SYNE2: variants seen among roughly 807,000 people sequenced by gnomAD.
SYNE2 encodes the protein spectrin repeat containing nuclear envelope protein 2.
In SYNE2, 431 loss-of-function variants were observed where a neutral mutation model predicts 856.3. That is an observed-to-expected ratio of 0.50 (90% CI 0.47 to 0.55). SYNE2 has a LOEUF of 0.55. Ranked by LOEUF, SYNE2 falls within the 20% of genes least tolerant of loss-of-function variation. The pLI is 0.00. For missense variants in SYNE2, 8,129 were observed against 8,023.2 expected, an observed-to-expected ratio of 1.01 and a Z score of -0.50; for synonymous variants, 2,923 against 2,872.3, an observed-to-expected ratio of 1.02 and a Z score of -0.56.
chr14:64,000,965 A>G (rs1054780844), intron 28 of SYNE2, among the ~76,000 whole-genome samples: 2 of 152,222 alleles, frequency 1.3e-5, no homozygotes, highest in Non-Finnish European at 2.9e-5. Flanking sequence ...AAGGTCTGCC[A>G]AAGTTCAGAG....
chr14:64,071,350 C>T (rs1480719891), intron 52 of SYNE2, among the ~76,000 whole-genome samples: 2 of 151,768 alleles, frequency 1.3e-5, no homozygotes, highest in African/African-American at 4.8e-5. Context: ...AAAAATCAGC[C>T]GGGTGTGGTG....
intron 1 of SYNE2, among the ~76,000 whole-genome samples, chr14:63,827,731 T>G (rs1319664422): frequency 6.6e-6 from 1 of 150,436 alleles, no homozygotes; most frequent in Admixed American, 6.6e-5. Flanking sequence ...AAAAGTTTAT[T>G]AAGCACAGTA....
At chr14:64,108,213 G>C (rs568588705) in intron 65 of SYNE2, among the ~76,000 whole-genome samples, 1 of 152,216 alleles carries the variant, frequency 6.6e-6, no homozygotes, top group African/African-American at 2.4e-5. Flanking sequence ...TTAGCCGGGC[G>C]TGGTGGCACA....
intron 64 of SYNE2, among the ~76,000 whole-genome samples, chr14:64,107,055 A>G (rs955470816): frequency 2.0e-5 from 3 of 152,168 alleles, no homozygotes; most frequent in East Asian, 1.9e-4. Flanking sequence ...GGGTCTTACC[A>G]TGTTGCTCAG....
At position 64,022,849 on chromosome 14, in the gene SYNE2, C is replaced by T; in HGVS notation, c.5623C>T (p.Leu1875=). ...AACAAAAAAGAGTGTGGAACAAAAG[C>T]TACAAAAACTTTCTGTAAGAGATAT... The part of the protein sequence containing the change: ...SETKKSVEQK[L]QKLSDFLTLE... Residue 1875 remains leucine (L), a synonymous_variant, in exon 38 of 116, where the codon CTA becomes TTA. Transcript: ENST00000555002. 6.3e-7 allele frequency: 1 copy of T among 1,590,938 alleles called. No individual in the cohort carries two copies. Among genetic ancestry groups the T allele is most frequent in the Non-Finnish European group, 8.6e-7 (1 of 1,160,234 alleles).
Position 63,873,106 on chromosome 14 carries a change from A to G in SYNE2, c.-52+19963A>G, listed in dbSNP as rs538784436. Among the ~76,000 whole-genome samples, 80 of 152,326 alleles carry G rather than the reference A, an allele frequency of 5.3e-4. No homozygotes were observed. The South Asian group carries it at 0.015, about 29-fold the overall frequency. On this transcript the variant is annotated intron_variant, in intron 1 of 115. Transcript: ENST00000555002. ...TTTCTGGAAACAGTTACTCATTAAC[A>G]TGCACATAAACCACATAATGACAGC...
chr14:63,940,195 A>G (rs1397296536), intron 2 of SYNE2, among the ~76,000 whole-genome samples: 3 of 148,818 alleles, frequency 2.0e-5, no homozygotes, highest in Non-Finnish European at 4.4e-5. Context: ...TTCCCCCCTC[A>G]CAGGTTCATG....
intron 1 of SYNE2, among the ~76,000 whole-genome samples, chr14:63,819,146 A>G (rs1443986092): frequency 6.6e-6 from 1 of 152,212 alleles, no homozygotes; most frequent in African/African-American, 2.4e-5. Flanking sequence ...CATTAAAAAA[A>G]AGAAAGTTAC....
At chr14:64,129,689 C>T (rs2097992530) in intron 74 of SYNE2, 93 bp from the exon 75 acceptor site, 1 of 1,565,704 alleles carries the variant, frequency 6.4e-7, no homozygotes, top group Admixed American at 1.8e-5. Context: ...TTCCCTTCAT[C>T]CCTTTCTGTA....
intron 84 of SYNE2, among the ~76,000 whole-genome samples, chr14:64,147,869 C>T (rs2098201294): frequency 6.6e-6 from 1 of 152,158 alleles, no homozygotes; most frequent in Non-Finnish European, 1.5e-5. Flanking sequence ...GATTATTGCA[C>T]TAGTTGAAGG....
At chr14:64,092,693 G>C (rs964263810) in intron 60 of SYNE2, among the ~76,000 whole-genome samples, 5 of 152,146 alleles carry the variant, frequency 3.3e-5, no homozygotes, top group African/African-American at 1.2e-4. Flanking sequence ...TTTTCATCGT[G>C]CTTAATCATA....
rs1385101622 is a variant in SYNE2, at chr14:64,027,479, T to C, written c.6405-5T>C. On this transcript the variant is annotated splice_region_variant and splice_polypyrimidine_tract_variant and intron_variant, in intron 42 of 115. Coordinates refer to ENST00000555002, the MANE Select transcript of SYNE2 (RefSeq NM_182914.3). ...TTAATTTATAAAATATTTTGTGAAA[T>C]TTAGCCATCAAGAAAAGCTTCTACT... 1 of 1,572,478 alleles carries C rather than the reference T, an allele frequency of 6.4e-7. No homozygotes were observed. Among genetic ancestry groups the C allele is most frequent in the Admixed American group, 1.9e-5 (1 of 53,864 alleles).
chr14:64,113,243 G>C, intron 65 of SYNE2, 98 bp from the exon 66 acceptor site: 1 of 1,598,726 alleles, frequency 6.3e-7, no homozygotes, highest in Non-Finnish European at 8.5e-7. Context: ...TCCTGATTTT[G>C]TTTCTTTTAA....
At chr14:64,162,457 G>A (rs555068173) in intron 88 of SYNE2, 181 bp downstream of exon 88, 28 of 686,374 alleles carry the variant, frequency 4.1e-5, no homozygotes, top group African/African-American at 2.1e-4. Context: ...CAGAGGTGAC[G>A]TCTAGGCAGC....
intron 11 of SYNE2, among the ~76,000 whole-genome samples, chr14:63,975,918 G>T (rs2096538856): frequency 6.6e-6 from 1 of 152,166 alleles, no homozygotes; most frequent in African/African-American, 2.4e-5. Flanking sequence ...CGCTTGCCGG[G>T]GGGACATCCA....
intron 25 of SYNE2, 141 bp from the exon 26 acceptor site, chr14:63,998,078 G>A (rs2096726780): frequency 1.4e-6 from 1 of 715,738 alleles, no homozygotes; most frequent in African/African-American, 1.8e-5. Context: ...TCTCTGAGCT[G>A]AGACATCTCA....
chr14:63,822,330 T>A (rs1356547151), intron 1 of SYNE2, among the ~76,000 whole-genome samples: 3 of 152,234 alleles, frequency 2.0e-5, no homozygotes, highest in African/African-American at 7.2e-5. Context: ...CAGGGTAGGC[T>A]TAACTTTTAT....
intron 7 of SYNE2, among the ~76,000 whole-genome samples, chr14:63,951,920 C>G (rs1427069394): frequency 3.3e-5 from 5 of 152,188 alleles, no homozygotes; most frequent in African/African-American, 1.2e-4. Flanking sequence ...AGAGCTTATG[C>G]TAAGCTTATG....
chr14:63,886,330 C>A (rs1447961991), intron 1 of SYNE2, among the ~76,000 whole-genome samples: 1 of 152,154 alleles, frequency 6.6e-6, no homozygotes, highest in Non-Finnish European at 1.5e-5. Context: ...GCTTTATGAT[C>A]TTCAGCTAGG....
Sources: gnomAD v4.1 joint callset for allele counts (sites outside exome capture counted in the v4.1 genomes callset) on GRCh38, gnomAD v4.1.1 for gene constraint, MANE v1.5 for transcripts, NCBI Gene and HGNC (gene_info 2026-07-23, HGNC 2026-07-21) for gene names.